Variants in MTUS1 observed in about 807,000 individuals in gnomAD.
MTUS1 encodes the protein microtubule-associated tumor suppressor 1.
MTUS1 carries 109 observed loss-of-function variants against 120.8 expected under a neutral mutation model. The ratio of observed to expected loss-of-function variants is 0.90; its 90% CI spans 0.77 to 1.06. MTUS1 has a LOEUF of 1.06. Ranked by LOEUF, MTUS1 falls within the 50% of genes least tolerant of loss-of-function variation. The probability of loss-of-function intolerance (pLI) is 0.00; values close to 1 mark genes in which losing one functional copy is unlikely to be tolerated. For missense variants in MTUS1, 2,210 were observed against 1,486.3 expected (o/e 1.49, Z -8.01); for synonymous variants, 737 against 550.5 (o/e 1.34, Z -4.74).
At chr8:17,796,490 C>G (rs1259606697) in intron 1 of MTUS1, among the ~76,000 whole-genome samples, 1 of 152,166 alleles carries the variant, frequency 6.6e-6, no homozygotes, top group African/African-American at 2.4e-5. Flanking sequence ...GTTGAGAAAA[C>G]CCACCCTTTC....
intron 3 of MTUS1, among the ~76,000 whole-genome samples, chr8:17,739,003 C>T (rs1326773643): frequency 1.3e-5 from 2 of 151,654 alleles, no homozygotes; most frequent in Non-Finnish European, 2.9e-5. Flanking sequence ...ATCAGCTGGG[C>T]ATGCTGACAC....
intron 8 of MTUS1, among the ~76,000 whole-genome samples, chr8:17,668,814 C>T (rs2130553750): frequency 6.6e-6 from 1 of 152,246 alleles, no homozygotes; most frequent in African/African-American, 2.4e-5. Context: ...TTTTCTGCTC[C>T]TCTCCCTCCT....
chr8:17,707,355 T>C (rs573081106), intron 6 of MTUS1, among the ~76,000 whole-genome samples: 1 of 152,314 alleles, frequency 6.6e-6, no homozygotes, highest in Admixed American at 6.5e-5. Context: ...TGGTCCTCTG[T>C]CCACACAGTA....
chr8:17,676,560 T>C, intron 7 of MTUS1: 1 of 569,804 alleles, frequency 1.8e-6, no homozygotes, highest in Non-Finnish European at 3.1e-6. Flanking sequence ...AGCCTGTGAT[T>C]ACTTAAAGCC....
At chr8:17,650,189 A>G (rs1806688415) in intron 12 of MTUS1, among the ~76,000 whole-genome samples, 1 of 152,220 alleles carries the variant, frequency 6.6e-6, no homozygotes, top group Non-Finnish European at 1.5e-5. Context: ...CTTAATATGC[A>G]AAAATGTGAG....
chr8:17,684,664 GA>G, intron 6 of MTUS1, 122 bp from the exon 7 acceptor site: 1 of 744,748 alleles, frequency 1.3e-6, no homozygotes, highest in Non-Finnish European at 2.3e-6. Context: ...TTGCTGTAAG[GA>G]ATGCATATGG....
In MTUS1 at chr8:17,723,655, A is replaced by G. The variant is rs777605867; in HGVS notation, c.2449+17T>C. On this transcript the variant is annotated intron_variant, in intron 4 of 14. Coordinates refer to ENST00000693296, the MANE Select transcript of MTUS1 (RefSeq NM_001363059.2). ...CTGTTTCCACAACCCCCGAAGTGTG[A>G]TATAAAGTCGACTTACAATTGTTGC... 2.5e-6 allele frequency: 4 copies of G among 1,602,572 alleles called. No individual in the cohort carries two copies. Among genetic ancestry groups the G allele is most frequent in the Admixed American group, 1.7e-5 (1 of 59,880 alleles).
chr8:17,703,052 ATGTT>A (rs1819417686), intron 6 of MTUS1, among the ~76,000 whole-genome samples: 1 of 152,310 alleles, frequency 6.6e-6, no homozygotes, highest in South Asian at 2.1e-4. Flanking sequence ...TGATTGCAAA[ATGTT>A]TATTTGAACA....
intron 3 of MTUS1, among the ~76,000 whole-genome samples, chr8:17,734,554 T>C (rs1206295069): frequency 3.3e-5 from 5 of 152,276 alleles, no homozygotes; most frequent in South Asian, 2.1e-4. Flanking sequence ...TCTGCAAGTA[T>C]GTTCACAAGA....
intron 1 of MTUS1, among the ~76,000 whole-genome samples, chr8:17,758,716 C>T (rs1327416871): frequency 6.6e-6 from 1 of 152,172 alleles, no homozygotes. Flanking sequence ...ATGCAAAGTG[C>T]ACTGCAAACA....
In MTUS1 at chr8:17,680,468, A is replaced by C. The variant is rs1210456881; in HGVS notation, c.2838+3860T>G. Among the ~76,000 whole-genome samples, 108 of 10,470 alleles carry C rather than the reference A, an allele frequency of 0.01. No homozygotes were observed. In the East Asian group the frequency reaches 0.17, roughly 17 times the overall value. The allele number at this position is 10,470 out of a possible 152,430, so 6.9% of individuals were successfully genotyped here. On this transcript the variant is annotated intron_variant, in intron 7 of 14. Coordinates refer to ENST00000693296, the MANE Select transcript of MTUS1 (RefSeq NM_001363059.2). ...GACAGAGCAAGGCCACTGTCGCAAA[A>C]AAAAAAAAAAAAAAAAAAAAAAAAA...
intron 1 of MTUS1, among the ~76,000 whole-genome samples, chr8:17,774,877 G>T (rs748116891): frequency 1.4e-5 from 2 of 145,146 alleles, no homozygotes; most frequent in Non-Finnish European, 3.0e-5. Flanking sequence ...AACAAAATGT[G>T]ATCTATACAT....
At position 17,646,093 on chromosome 8, in the gene MTUS1, C is replaced by T. The variant is rs1215892537; in HGVS notation, c.3646G>A (p.Glu1216Lys). The T allele has an allele frequency of 6.2e-7, 1 of 1,613,256 alleles. No homozygotes were observed. ...GAGAGTCGCTTGTTGACTTTCGACT[C>T]CTTCTCCAGCGACTCTTGCAGAACA... ...QAVLQESLEK[E>K]SKVNKRLSME... Residue 1216 changes from glutamate (E) to lysine (K), a missense_variant, in exon 15 of 15, where the codon GAG becomes AAG. Coordinates refer to ENST00000693296, the MANE Select transcript of MTUS1 (RefSeq NM_001363059.2).
In MTUS1 at chr8:17,679,610, G is replaced by A. The variant is rs768312503; in HGVS notation, c.2839-4358C>T. Among the ~76,000 whole-genome samples the A allele has an allele frequency of 7.9e-5, 12 of 151,778 alleles. 1 individual carries two copies. The highest frequency in any genetic ancestry group is 3.9e-4 in the Admixed American group (6 of 15,218). ...TCCACCTATTGGGTTCAAGCGATTC[G>A]TATGCCTCAGTCTCTTGAGTAGCTG... On this transcript the variant is annotated intron_variant, in intron 7 of 14. Transcript: ENST00000693296.
chr8:17,786,011 A>G (rs1586400972), intron 1 of MTUS1, among the ~76,000 whole-genome samples: 1 of 152,166 alleles, frequency 6.6e-6, no homozygotes, highest in Non-Finnish European at 1.5e-5. Flanking sequence ...ATGGTGGCAC[A>G]TGCCCATAGT....
intron 8 of MTUS1, among the ~76,000 whole-genome samples, chr8:17,664,376 A>G (rs1810428287): frequency 6.6e-6 from 1 of 152,068 alleles, no homozygotes; most frequent in Non-Finnish European, 1.5e-5. Flanking sequence ...GGAAAAAGAG[A>G]TGATTCCATT....
At chr8:17,670,152 C>T (rs1295788896) in intron 8 of MTUS1, among the ~76,000 whole-genome samples, 1 of 152,182 alleles carries the variant, frequency 6.6e-6, no homozygotes, top group South Asian at 2.1e-4. Context: ...CCTGCCAAAG[C>T]TGAGGAACAG....
At chr8:17,768,651 G>C (rs1039089270) in intron 1 of MTUS1, among the ~76,000 whole-genome samples, 2 of 151,980 alleles carry the variant, frequency 1.3e-5, no homozygotes, top group East Asian at 1.9e-4. Flanking sequence ...GCAGCAATTA[G>C]AACATTTTTA....
At chr8:17,686,411 G>T (rs1313863168) in intron 6 of MTUS1, among the ~76,000 whole-genome samples, 1 of 152,080 alleles carries the variant, frequency 6.6e-6, no homozygotes, top group African/African-American at 2.4e-5. Flanking sequence ...AAACATCTAT[G>T]TGTTATATAA....
Sources: gnomAD v4.1 joint callset for allele counts (sites outside exome capture counted in the v4.1 genomes callset) on GRCh38, gnomAD v4.1.1 for gene constraint, MANE v1.5 for transcripts, NCBI Gene and HGNC (gene_info 2026-07-23, HGNC 2026-07-21) for gene names.